CACNB4: variants seen among roughly 807,000 people sequenced by gnomAD.
The protein encoded by CACNB4 is calcium voltage-gated channel auxiliary subunit beta 4.
In CACNB4, 32 loss-of-function variants were observed where a neutral mutation model predicts 71.2. The observed-to-expected ratio is 0.45, with a 90% CI of 0.34 to 0.60. The LOEUF (loss-of-function observed/expected upper bound fraction) is 0.60. Among genes scored for constraint, CACNB4 ranks in the 20% least tolerant of loss-of-function variants. The pLI, the probability that CACNB4 is intolerant of heterozygous loss-of-function variation, is 0.01. For missense variants in CACNB4, 464 were observed against 647.9 expected, an observed-to-expected ratio of 0.72 and a Z score of 3.08; for synonymous variants, 231 against 236.9, an observed-to-expected ratio of 0.97 and a Z score of 0.23.
intron 7 of CACNB4, 71 bp downstream of exon 7, chr2:151,870,771 T>C (rs1015187350): frequency 3.0e-5 from 41 of 1,349,224 alleles, no homozygotes; most frequent in Non-Finnish European, 4.2e-5. Flanking sequence ...CTTGGGTCAC[T>C]GAAATGGAGC....
chr2:151,891,619 G>A (rs890526484), intron 2 of CACNB4, among the ~76,000 whole-genome samples: 1 of 152,194 alleles, frequency 6.6e-6, no homozygotes, highest in Non-Finnish European at 1.5e-5. Flanking sequence ...TGTAAGAAGT[G>A]CTATATCAAT....
At position 151,853,872 on chromosome 2, in the gene CACNB4, C is replaced by A. The variant is rs752085501; in HGVS notation, c.1021-329G>T. ...ACCAGGTCATTTATGTTAAGTAATA[C>A]TTTAATATTATTCACCTGAATAATG... On this transcript the variant is annotated intron_variant, in intron 11 of 13. Transcript: ENST00000539935. 40 of 176,102 alleles carry A rather than the reference C, an allele frequency of 2.3e-4. No individual in the cohort carries two copies. In the Middle Eastern group the frequency reaches 0.012, roughly 51 times the overall value. The allele number at this position is 176,102 out of a possible 1,614,324, so 10.9% of individuals were successfully genotyped here.
chr2:152,029,276 C>A (rs569032514), intron 2 of CACNB4, among the ~76,000 whole-genome samples: 2 of 151,696 alleles, frequency 1.3e-5, no homozygotes, highest in East Asian at 3.9e-4. Context: ...GGGCGGATCA[C>A]GAGGTCAGGA....
chr2:151,991,179 T>G (rs1477158100), intron 2 of CACNB4, among the ~76,000 whole-genome samples: 5 of 152,232 alleles, frequency 3.3e-5, no homozygotes, highest in Non-Finnish European at 7.3e-5. Flanking sequence ...AGAGAAGGCT[T>G]GGACTCTGAA....
chr2:152,026,602 A>T (rs1683990147), intron 2 of CACNB4, among the ~76,000 whole-genome samples: 1 of 151,560 alleles, frequency 6.6e-6, no homozygotes, highest in South Asian at 2.1e-4. Flanking sequence ...CCGGGCTCGA[A>T]CTCCTGACCT....
At chr2:151,907,998 A>T (rs1400653784) in intron 2 of CACNB4, among the ~76,000 whole-genome samples, 1 of 152,204 alleles carries the variant, frequency 6.6e-6, no homozygotes. Flanking sequence ...GAAAGTTCTC[A>T]AATATTCTCC....
intron 2 of CACNB4, among the ~76,000 whole-genome samples, chr2:151,938,251 A>G (rs1400524096): frequency 6.6e-6 from 1 of 152,248 alleles, no homozygotes; most frequent in Non-Finnish European, 1.5e-5. Context: ...CTCAAAGTGT[A>G]ATGTGCTAAT....
intron 2 of CACNB4, among the ~76,000 whole-genome samples, chr2:151,984,487 G>C (rs760387737): frequency 2.6e-5 from 4 of 152,104 alleles, no homozygotes; most frequent in Admixed American, 6.5e-5. Flanking sequence ...ATATCTTCTA[G>C]AATACTAACA....
intron 2 of CACNB4, among the ~76,000 whole-genome samples, chr2:151,918,155 GA>G (rs2099858039): frequency 6.6e-6 from 1 of 152,190 alleles, no homozygotes; most frequent in Admixed American, 6.5e-5. Context: ...TGGCCATTAT[GA>G]AGGCATTGCC....
At chr2:151,862,975 T>C (rs2099842127) in intron 9 of CACNB4, among the ~76,000 whole-genome samples, 2 of 152,154 alleles carry the variant, frequency 1.3e-5, no homozygotes, top group East Asian at 1.9e-4. Context: ...CCTGACTTTC[T>C]ATTACTCCAG....
At chr2:152,007,983 G>A (rs1682827400) in intron 2 of CACNB4, among the ~76,000 whole-genome samples, 1 of 151,972 alleles carries the variant, frequency 6.6e-6, no homozygotes. Flanking sequence ...TGTTGGCCAG[G>A]CTGGTCTTGA....
chr2:151,962,899 A>G (rs1323712520), intron 2 of CACNB4: 3 of 152,126 alleles, frequency 2.0e-5, no homozygotes, highest in Admixed American at 6.5e-5. Flanking sequence ...CCAACTCCCA[A>G]CTGTTTTGTA....
chr2:151,929,778 T>G (rs2099861173), intron 2 of CACNB4, among the ~76,000 whole-genome samples: 1 of 152,136 alleles, frequency 6.6e-6, no homozygotes. Context: ...AGCAACCATT[T>G]AGGATAAAAA....
intron 8 of CACNB4, 165 bp from the exon 9 acceptor site, chr2:151,869,400 C>T (rs1490859503): frequency 1.8e-6 from 1 of 557,918 alleles, no homozygotes; most frequent in East Asian, 3.0e-5. Context: ...TCATGCTTAA[C>T]CATGTGCAAT....
intron 2 of CACNB4, among the ~76,000 whole-genome samples, chr2:152,072,808 T>C (rs77832653): frequency 7.9e-6 from 1 of 126,734 alleles, no homozygotes; most frequent in Non-Finnish European, 1.7e-5. Flanking sequence ...GCCCAGCTGA[T>C]TTTTTTTTTT....
At chr2:151,930,002 A>C (rs1295322391) in intron 2 of CACNB4, among the ~76,000 whole-genome samples, 1 of 152,218 alleles carries the variant, frequency 6.6e-6, no homozygotes, top group Non-Finnish European at 1.5e-5. Flanking sequence ...TCACAAAATC[A>C]TACACAGATT....
In CACNB4 at chr2:152,072,322, G is replaced by A. The variant is rs1356575938; in HGVS notation, c.147+26008C>T. ...ACAGATCTGGGGGAATGTCCATCACGGAGCTGGCTCCAAGACAACTTGAGA... is the reference window on the plus strand; with the variant it reads ...ACAGATCTGGGGGAATGTCCATCACAGAGCTGGCTCCAAGACAACTTGAGA... On this transcript the variant is annotated intron_variant, in intron 2 of 13. Transcript: ENST00000539935. Among the ~76,000 whole-genome samples the A allele has an allele frequency of 3.3e-5, 5 of 152,230 alleles. No homozygotes were observed. The East Asian group carries it at 5.8e-4, about 18-fold the overall frequency.
chr2:151,924,931 G>A (rs75719908), intron 2 of CACNB4, among the ~76,000 whole-genome samples: 1,531 of 152,084 alleles, frequency 0.01, 19 homozygotes, highest in African/African-American at 0.032. Flanking sequence ...CAATGCTTCC[G>A]GATGAAACTT....
At chr2:152,035,683 AGAT>A (rs1158799319) in intron 2 of CACNB4, among the ~76,000 whole-genome samples, 1 of 142,174 alleles carries the variant, frequency 7.0e-6, no homozygotes, top group East Asian at 2.1e-4. Context: ...GTATGTATTA[AGAT>A]GCACCTGATA....
Sources: gnomAD v4.1 joint callset for allele counts (sites outside exome capture counted in the v4.1 genomes callset) on GRCh38, gnomAD v4.1.1 for gene constraint, MANE v1.5 for transcripts, NCBI Gene and HGNC (gene_info 2026-07-23, HGNC 2026-07-21) for gene names.